The following PCDHGA1 variants were observed in gnomAD, a reference collection of about 807,000 sequenced individuals.
PCDHGA1 encodes the protein protocadherin gamma subfamily A, 1.
Under a neutral mutation model 58.0 loss-of-function variants are expected in PCDHGA1, and 32 were observed. That is an observed-to-expected ratio of 0.55 (90% confidence interval 0.42 to 0.74). PCDHGA1 has a LOEUF of 0.74. PCDHGA1 is among the 30% of genes least tolerant of loss of function. The pLI is 0.00. For synonymous variants in PCDHGA1, 498 were observed against 501.1 expected (o/e 0.99, Z 0.08); for missense variants, 1,205 against 1,182.3 (o/e 1.02, Z -0.28).
At chr5:141,363,584 T>C (rs1175154896) in intron 1 of PCDHGA1, among the ~76,000 whole-genome samples, 1 of 152,246 alleles carries the variant, frequency 6.6e-6, no homozygotes, top group Non-Finnish European at 1.5e-5. Context: ...AATGCATAGT[T>C]AACCCAACTC....
At chr5:141,384,442 T>G in intron 1 of PCDHGA1, 15 of 1,614,046 alleles carry the variant, frequency 9.3e-6, no homozygotes, top group Non-Finnish European at 1.3e-5. Context: ...TGGAGTCCTG[T>G]ACGCGCTGCA....
In PCDHGA1 at chr5:141,432,006, C is replaced by T. The variant is rs138689793; in HGVS notation, c.2422-62801C>T. Reference sequence around the variant, plus strand: ...ATAGTCTTGGATAGGGAACAGGTTCCTAGCTACAACATCACAGTGACCGCC... The same window carrying T: ...ATAGTCTTGGATAGGGAACAGGTTCTTAGCTACAACATCACAGTGACCGCC... On this transcript the variant is annotated intron_variant, in intron 1 of 3. Transcript: ENST00000517417. This position sits in a 1 kb window ranked among gnomAD's most constrained non-coding sequence, Gnocchi z 6.0. The T allele has an allele frequency of 2.6e-4, 412 of 1,614,186 alleles. 2 individuals carry two copies. The African/African-American group carries it at 4.6e-3, about 18-fold the overall frequency.
intron 1 of PCDHGA1, chr5:141,389,726 C>A: frequency 6.2e-7 from 1 of 1,612,720 alleles, no homozygotes; most frequent in South Asian, 1.1e-5. Flanking sequence ...AGCCCGGGCT[C>A]TTCAGCCTGG....
At chr5:141,342,359 T>G (rs1407809275) in intron 1 of PCDHGA1, 3 of 152,192 alleles carry the variant, frequency 2.0e-5, no homozygotes, top group Non-Finnish European at 4.4e-5. Context: ...TTCCTCTTCC[T>G]ATATTGGCTT....
chr5:141,389,647 AG>A, intron 1 of PCDHGA1: 10 of 1,612,908 alleles, frequency 6.2e-6, no homozygotes, highest in Non-Finnish European at 8.5e-6. Flanking sequence ...TTGGTGACCA[AG>A]GTAGTGGCGG....
intron 1 of PCDHGA1, chr5:141,421,806 A>G: frequency 6.2e-7 from 1 of 1,613,842 alleles, no homozygotes; most frequent in Non-Finnish European, 8.5e-7. Context: ...CCAAGAATCC[A>G]GAGCTAGTAC....
At position 141,432,432 on chromosome 5, in the gene PCDHGA1, A is replaced by G. The variant is rs1431760497; in HGVS notation, c.2422-62375A>G. On this transcript the variant is annotated intron_variant, in intron 1 of 3. Transcript: ENST00000517417. This position sits in a 1 kb window ranked among gnomAD's most constrained non-coding sequence, Gnocchi z 6.0. ...CTGTTCGTGCTGGACCAGAACGACA[A>G]TGCGCCCGAGATCCTGTACCCCGCC... The G allele has an allele frequency of 2.5e-6, 4 of 1,614,156 alleles. No homozygotes were observed. Among genetic ancestry groups the G allele is most frequent in the Non-Finnish European group, 3.4e-6 (4 of 1,180,028 alleles).
At chr5:141,341,261 C>T (rs1169653888) in intron 1 of PCDHGA1, 1 of 1,614,198 alleles carries the variant, frequency 6.2e-7, no homozygotes, top group African/African-American at 1.3e-5. Flanking sequence ...TGCGGACTCG[C>T]GGAAGAGCCA....
chr5:141,355,593 C>T (rs770322971), intron 1 of PCDHGA1: 2 of 1,613,990 alleles, frequency 1.2e-6, no homozygotes, highest in Admixed American at 1.7e-5. Flanking sequence ...ATAACCCACC[C>T]AGTTTTGGGA....
chr5:141,501,323 A>G (rs2099807887), intron 2 of PCDHGA1, among the ~76,000 whole-genome samples: 1 of 151,850 alleles, frequency 6.6e-6, no homozygotes, highest in East Asian at 1.9e-4. Flanking sequence ...ACACACACAC[A>G]CACACACACA....
At chr5:141,350,118 T>A in intron 1 of PCDHGA1, 2 of 585,768 alleles carry the variant, frequency 3.4e-6, no homozygotes, top group Non-Finnish European at 5.3e-6. Context: ...CTTTGTCCGG[T>A]GCACTGAGCA....
intron 1 of PCDHGA1, chr5:141,415,740 G>GTTTTTTTT (rs57426385): frequency 1.3e-4 from 79 of 625,006 alleles, no homozygotes; most frequent in African/African-American, 1.8e-4. Flanking sequence ...GTTTATTAAG[G>GTTTTTTTT]TTTTTTTTTT....
chr5:141,480,414 CAA>C (rs10712552), intron 1 of PCDHGA1, among the ~76,000 whole-genome samples: 346 of 147,498 alleles, frequency 2.3e-3, no homozygotes, highest in African/African-American at 8.3e-3. Flanking sequence ...GACCCTGTCT[CAA>C]AAAAAAAAAT....
In PCDHGA1 at chr5:141,476,348, G is replaced by T. The variant is rs764669470; in HGVS notation, c.2422-18459G>T. On this transcript the variant is annotated intron_variant, in intron 1 of 3. Transcript: ENST00000517417. This position sits in a 1 kb window ranked among gnomAD's most constrained non-coding sequence, Gnocchi z 7.6. ...GTCTGGAGCTAGCCGAAGATTCTTTGAGGTGAACCGGGAGACCGGAGAGAT... is the reference window on the plus strand; with the variant it reads ...GTCTGGAGCTAGCCGAAGATTCTTTTAGGTGAACCGGGAGACCGGAGAGAT... 1 of 1,614,190 alleles carries T rather than the reference G, an allele frequency of 6.2e-7. No individual in the cohort carries two copies. The highest frequency in any genetic ancestry group is 8.5e-7 in the Non-Finnish European group (1 of 1,180,032).
intron 1 of PCDHGA1, among the ~76,000 whole-genome samples, chr5:141,444,199 T>C (rs2098425653): frequency 7.4e-6 from 1 of 134,516 alleles, no homozygotes; most frequent in African/African-American, 2.9e-5. Context: ...GAGATGGAGT[T>C]TCACTCTTGT....
chr5:141,418,041 T>C lies in PCDHGA1; in HGVS notation c.2422-76766T>C, dbSNP rs764313049. The C allele has an allele frequency of 1.2e-6, 2 of 1,613,858 alleles. No individual in the cohort carries two copies. Among genetic ancestry groups the C allele is most frequent in the Non-Finnish European group, 1.7e-6 (2 of 1,179,856 alleles). On this transcript the variant is annotated intron_variant, in intron 1 of 3. Transcript: ENST00000517417. ...GATCTAGGGCTTAGTGTCCTGGATG[T>C]GTCGGCTCGCGAGCTGCGAGTGAGC... is the stretch of plus-strand genomic sequence containing the variant.
At position 141,493,026 on chromosome 5, in the gene PCDHGA1, C is replaced by G. The variant is rs73280358; in HGVS notation, c.2422-1781C>G. Reference sequence around the variant, plus strand: ...TAGGCTCTGCCAGATGCCAGGGTGCCCTTATGTGTGAGGAAACTACAATAG... The same window carrying G: ...TAGGCTCTGCCAGATGCCAGGGTGCGCTTATGTGTGAGGAAACTACAATAG... On this transcript the variant is annotated intron_variant, in intron 1 of 3. Coordinates refer to ENST00000517417, the MANE Select transcript of PCDHGA1 (RefSeq NM_018912.3). This position sits in a 1 kb window ranked among gnomAD's most constrained non-coding sequence, Gnocchi z 4.3. 0.039 allele frequency among the ~76,000 whole-genome samples: 5,923 copies of G among 152,298 alleles called. 150 individuals are homozygous for G. The highest frequency in any genetic ancestry group is 0.077 in the South Asian group (370 of 4,822).
intron 1 of PCDHGA1, chr5:141,333,343 T>C (rs2149714656): frequency 1.5e-6 from 1 of 646,736 alleles, no homozygotes; most frequent in Non-Finnish European, 2.6e-6. Flanking sequence ...GTTGAAGGTA[T>C]GTGTGAGATG....
chr5:141,477,992 G>T lies in PCDHGA1; in HGVS notation c.2422-16815G>T. The T allele has an allele frequency of 6.2e-7, 1 of 1,614,108 alleles. No individual in the cohort carries two copies. Among genetic ancestry groups the T allele is most frequent in the Non-Finnish European group, 8.5e-7 (1 of 1,180,024 alleles). On this transcript the variant is annotated intron_variant, in intron 1 of 3. Transcript: ENST00000517417. The surrounding 1 kb of genome is among the most constrained non-coding windows in gnomAD (Gnocchi z 4.9). Reference sequence around the variant, plus strand: ...CCTTTTTGCCATAGGGCTGCACACTGGTCAAATCAGTACTGCCCGTCCAGT... The same window carrying T: ...CCTTTTTGCCATAGGGCTGCACACTTGTCAAATCAGTACTGCCCGTCCAGT...
Sources: gnomAD v4.1 joint callset for allele counts (sites outside exome capture counted in the v4.1 genomes callset) on GRCh38, gnomAD v4.1.1 for gene constraint, Gnocchi (gnomAD v3.1) non-coding constraint, MANE v1.5 for transcripts, NCBI Gene and HGNC (gene_info 2026-07-23, HGNC 2026-07-21) for gene names.